Variants in GALNT13 observed in about 807,000 individuals in gnomAD.
The protein encoded by GALNT13 is UDP-GalNAc:polypeptide N-acetylgalactosaminyltransferase 13.
In GALNT13, 28 loss-of-function variants were observed where a neutral mutation model predicts 64.2. That is an observed-to-expected ratio of 0.44 (90% CI 0.32 to 0.60). The LOEUF (loss-of-function observed/expected upper bound fraction) is 0.60. Ranked by LOEUF, GALNT13 falls within the 20% of genes least tolerant of loss-of-function variation. The probability of loss-of-function intolerance (pLI) is 0.05; values close to 1 mark genes in which losing one functional copy is unlikely to be tolerated. For synonymous variants in GALNT13, 214 were observed against 224.6 expected (o/e 0.95, Z 0.42); for missense variants, 577 against 669.8 (o/e 0.86, Z 1.53).
chr2:153,994,727 G>A (rs779597480), intron 3 of GALNT13, among the ~76,000 whole-genome samples: 59 of 152,158 alleles, frequency 3.9e-4, no homozygotes, highest in Non-Finnish European at 7.1e-4. Flanking sequence ...TTTGAGAAGC[G>A]TCTGTTCATA....
the GALNT13 span, among the ~76,000 whole-genome samples, chr2:153,360,505 G>C: frequency 6.6e-6 from 1 of 152,168 alleles, no homozygotes; most frequent in Non-Finnish European, 1.5e-5. Context: ...CATCTCTATA[G>C]CTCTGGGCTG....
the GALNT13 span, among the ~76,000 whole-genome samples, chr2:153,801,588 A>G: frequency 6.6e-6 from 1 of 152,182 alleles, no homozygotes; most frequent in African/African-American, 2.4e-5. Flanking sequence ...TGGCACCCCA[A>G]AAGAGTTACA....
intron 11 of GALNT13, among the ~76,000 whole-genome samples, chr2:154,413,927 T>C (rs1699897590): frequency 6.6e-6 from 1 of 152,128 alleles, no homozygotes; most frequent in Admixed American, 6.6e-5. Flanking sequence ...AGCTAAAATC[T>C]GGCAAGCGCC....
At chr2:154,448,279 A>T (rs1701696427) in intron 12 of GALNT13, among the ~76,000 whole-genome samples, 2 of 152,040 alleles carry the variant, frequency 1.3e-5, no homozygotes, top group Non-Finnish European at 2.9e-5. Flanking sequence ...TTTTACCATA[A>T]ACAATGTAGC....
chr2:153,907,626 G>A (rs1225474883), intron 2 of GALNT13, among the ~76,000 whole-genome samples: 1 of 151,826 alleles, frequency 6.6e-6, no homozygotes, highest in Non-Finnish European at 1.5e-5. Context: ...TGATCACTTA[G>A]CCTCCACTTA....
At chr2:153,818,960 C>T in the GALNT13 span, among the ~76,000 whole-genome samples, 146 of 152,288 alleles carry the variant, frequency 9.6e-4, no homozygotes, top group Middle Eastern at 3.4e-3. Flanking sequence ...CAGCCAGCAC[C>T]TGAACTTTGG....
chr2:153,096,711 G>T, the GALNT13 span, among the ~76,000 whole-genome samples: 1 of 152,088 alleles, frequency 6.6e-6, no homozygotes, highest in Non-Finnish European at 1.5e-5. Context: ...TCACTGGCAT[G>T]AAATATCTTT....
the GALNT13 span, among the ~76,000 whole-genome samples, chr2:153,373,731 A>T: frequency 6.6e-6 from 1 of 151,998 alleles, no homozygotes; most frequent in African/African-American, 2.4e-5. Flanking sequence ...TTAAAGAATA[A>T]CTCTCCATTT....
chr2:153,567,747 G>T, the GALNT13 span, among the ~76,000 whole-genome samples: 1 of 152,122 alleles, frequency 6.6e-6, no homozygotes. Context: ...CAAGGAAAAT[G>T]CAAGAGATGG....
intron 3 of GALNT13, among the ~76,000 whole-genome samples, chr2:154,009,496 T>C (rs945802447): frequency 7.7e-6 from 1 of 130,684 alleles, no homozygotes; most frequent in African/African-American, 3.1e-5. Context: ...TATAAGGTGT[T>C]ATGGCTTTTT....
intron 9 of GALNT13, among the ~76,000 whole-genome samples, chr2:154,382,977 G>A (rs1478681845): frequency 6.6e-6 from 1 of 151,792 alleles, no homozygotes; most frequent in Non-Finnish European, 1.5e-5. Context: ...ATGTTTATTA[G>A]TACTTTGGGG....
At chr2:153,881,985 A>G (rs926502508) in intron 1 of GALNT13, among the ~76,000 whole-genome samples, 1 of 152,072 alleles carries the variant, frequency 6.6e-6, no homozygotes, top group Non-Finnish European at 1.5e-5. Flanking sequence ...TTTCATTTAG[A>G]CTTTTTAAAG....
At chr2:153,761,049 C>T in the GALNT13 span, among the ~76,000 whole-genome samples, 1 of 152,054 alleles carries the variant, frequency 6.6e-6, no homozygotes, top group Non-Finnish European at 1.5e-5. Context: ...CTTGGTCTCT[C>T]TCTTTTGGTT....
the GALNT13 span, among the ~76,000 whole-genome samples, chr2:153,818,568 C>A: frequency 6.6e-6 from 1 of 152,224 alleles, no homozygotes; most frequent in Non-Finnish European, 1.5e-5. Context: ...AGCATAGTGA[C>A]TCTGCCCCTG....
chr2:153,396,496 C>CT, the GALNT13 span, among the ~76,000 whole-genome samples: 9 of 148,226 alleles, frequency 6.1e-5, no homozygotes, highest in Admixed American at 2.0e-4. Context: ...CATTGACTCA[C>CT]TTTTTTTTTT....
the GALNT13 span, among the ~76,000 whole-genome samples, chr2:153,310,683 C>T: frequency 6.6e-6 from 1 of 152,082 alleles, no homozygotes; most frequent in Non-Finnish European, 1.5e-5. Context: ...GGCTTCTAGT[C>T]AACAGTAGGC....
At chr2:153,990,125 A>C (rs1308298334) in intron 3 of GALNT13, among the ~76,000 whole-genome samples, 1 of 152,052 alleles carries the variant, frequency 6.6e-6, no homozygotes, top group African/African-American at 2.4e-5. Context: ...CTTTCTGTAG[A>C]CTGGTGCTTT....
the GALNT13 span, among the ~76,000 whole-genome samples, chr2:153,325,418 T>C: frequency 6.8e-6 from 1 of 146,904 alleles, no homozygotes; most frequent in Non-Finnish European, 1.5e-5. Flanking sequence ...TAGCAGTCTG[T>C]CTATTTTGTT....
the GALNT13 span, among the ~76,000 whole-genome samples, chr2:153,700,824 T>TG: frequency 6.6e-6 from 1 of 152,082 alleles, no homozygotes; most frequent in Non-Finnish European, 1.5e-5. Flanking sequence ...TACAAACCAC[T>TG]GCTCAAGGAA....
Sources: allele counts gnomAD v4.1 joint callset (sites outside exome capture counted in the v4.1 genomes callset), GRCh38; gene constraint gnomAD v4.1.1; transcripts MANE v1.5; gene names NCBI Gene and HGNC (gene_info 2026-07-23, HGNC 2026-07-21).